Variants in CCDC88C observed in about 807,000 individuals in gnomAD.
The protein encoded by CCDC88C is coiled-coil and HOOK domain protein 88C.
CCDC88C carries 131 observed loss-of-function variants against 198.8 expected under a neutral mutation model. The observed-to-expected ratio is 0.66, with a 90% CI of 0.57 to 0.76. The LOEUF is 0.76. Among genes scored for constraint, CCDC88C ranks in the 30% least tolerant of loss-of-function variants. The pLI, the probability that CCDC88C is intolerant of heterozygous loss-of-function variation, is 0.00. For missense variants in CCDC88C, 2,553 were observed against 2,631.6 expected (o/e 0.97, Z 0.65); for synonymous variants, 1,166 against 1,114.7 (o/e 1.05, Z -0.92).
rs558877884 is a variant in CCDC88C, at chr14:91,280,872, C to T, written c.4699+585G>A. On this transcript the variant is annotated intron_variant, in intron 27 of 29. Coordinates refer to ENST00000389857, the MANE Select transcript of CCDC88C (RefSeq NM_001080414.4). ...AGGTGATGCCAGCTCCTACACTTAC[C>T]GAGCCTTTCACAAGTAAACTGAAAT... Among the ~76,000 whole-genome samples the T allele has an allele frequency of 1.0e-3, 154 of 152,108 alleles. 1 individual carries two copies. Among genetic ancestry groups the T allele is most frequent in the Admixed American group, 1.4e-3 (22 of 15,278 alleles).
At chr14:91,305,367 A>C (rs971934643) in intron 19 of CCDC88C, among the ~76,000 whole-genome samples, 1 of 152,190 alleles carries the variant, frequency 6.6e-6, no homozygotes, top group African/African-American at 2.4e-5. Context: ...AAAAATTCAC[A>C]TTAGCTTAAA....
chr14:91,345,109 A>G (rs1893477233), intron 4 of CCDC88C, among the ~76,000 whole-genome samples: 1 of 145,310 alleles, frequency 6.9e-6, no homozygotes, highest in Admixed American at 6.9e-5. Context: ...TTGCATACTT[A>G]CTTTGTAAAT....
At position 91,344,171 on chromosome 14, in the gene CCDC88C, C is replaced by T. The variant is rs118009237; in HGVS notation, c.341-514G>A. On this transcript the variant is annotated intron_variant, in intron 4 of 29. Coordinates refer to ENST00000389857, the MANE Select transcript of CCDC88C (RefSeq NM_001080414.4). ...AATTCTGTACATAACTATTTGAAGC[C>T]CCTTCCATTCAAATATGTCGTAAGT... Among the ~76,000 whole-genome samples the T allele has an allele frequency of 5.2e-4, 79 of 152,190 alleles. No homozygotes were observed. In the East Asian group the frequency reaches 0.014, roughly 27 times the overall value.
intron 12 of CCDC88C, among the ~76,000 whole-genome samples, chr14:91,322,249 C>G (rs754067260): frequency 6.6e-6 from 1 of 152,184 alleles, no homozygotes; most frequent in African/African-American, 2.4e-5. Context: ...ATGGCTTTCA[C>G]AGCAAACACA....
rs1465333419 is a variant in CCDC88C, at chr14:91,334,884, C to A, written c.1050+3121G>T. Among the ~76,000 whole-genome samples, 4 of 152,254 alleles carry A rather than the reference C, an allele frequency of 2.6e-5. No homozygotes were observed. The East Asian group carries it at 7.7e-4, about 29-fold the overall frequency. On this transcript the variant is annotated intron_variant, in intron 10 of 29. Coordinates refer to ENST00000389857, the MANE Select transcript of CCDC88C (RefSeq NM_001080414.4). The stretch of plus-strand genomic sequence containing the variant: ...CATCTCAAAGCAGCTCAGCTCCAGG[C>A]CTCTGAGCTGCATTCTAAGTTAAGT...
At chr14:91,340,995 TAA>T (rs1196909372) in intron 6 of CCDC88C, among the ~76,000 whole-genome samples, 2 of 151,188 alleles carry the variant, frequency 1.3e-5, no homozygotes, top group Non-Finnish European at 2.9e-5. Context: ...AGGCTGTCTC[TAA>T]AAAAAAGAGA....
At chr14:91,314,780 C>T (rs2139808785) in intron 14 of CCDC88C, among the ~76,000 whole-genome samples, 1 of 152,310 alleles carries the variant, frequency 6.6e-6, no homozygotes, top group Middle Eastern at 3.4e-3. Context: ...CGTCTGTTTA[C>T]CATGCACCAT....
intron 10 of CCDC88C, among the ~76,000 whole-genome samples, chr14:91,331,504 T>C (rs750780407): frequency 1.3e-5 from 2 of 151,804 alleles, no homozygotes; most frequent in East Asian, 1.9e-4. Context: ...CATGGTGGGG[T>C]GGAGAGTGTG....
intron 6 of CCDC88C, chr14:91,342,096 G>C (rs1017851046): frequency 9.6e-6 from 3 of 312,972 alleles, no homozygotes; most frequent in Non-Finnish European, 1.8e-5. Flanking sequence ...CTTAAAAATA[G>C]TCTGAGTCCA....
intron 3 of CCDC88C, among the ~76,000 whole-genome samples, chr14:91,386,488 G>A (rs1350432517): frequency 1.3e-5 from 2 of 152,004 alleles, no homozygotes; most frequent in African/African-American, 2.4e-5. Flanking sequence ...CAAATAAACA[G>A]TAGAGGAGAC....
rs960922746 is a variant in CCDC88C, at chr14:91,356,063, C to T, written c.340+3579G>A. On this transcript the variant is annotated intron_variant, in intron 4 of 29. Coordinates refer to ENST00000389857, the MANE Select transcript of CCDC88C (RefSeq NM_001080414.4). ...CAAAAAGCACACACATGCCCCACCC[C>T]GGGCAACCATACAAATTAAAAAAAC... Among the ~76,000 whole-genome samples the T allele has an allele frequency of 3.9e-5, 6 of 152,238 alleles. No homozygotes were observed. In the East Asian group the frequency reaches 5.8e-4, roughly 15 times the overall value.
At chr14:91,417,041 C>T (rs1887099371) in intron 1 of CCDC88C, 3 of 699,664 alleles carry the variant, frequency 4.3e-6, no homozygotes, top group African/African-American at 1.7e-5. Context: ...AGACACGAGA[C>T]AGGAGGAAAA....
At chr14:91,394,621 C>G (rs971260586) in intron 3 of CCDC88C, among the ~76,000 whole-genome samples, 1 of 152,190 alleles carries the variant, frequency 6.6e-6, no homozygotes, top group Admixed American at 6.5e-5. Context: ...TGCTGACTGA[C>G]GGCAGACACA....
chr14:91,302,204 G>C (rs756069857), intron 20 of CCDC88C, among the ~76,000 whole-genome samples: 20 of 152,162 alleles, frequency 1.3e-4, no homozygotes, highest in Admixed American at 5.2e-4. Context: ...GCTCCTGACC[G>C]TGGAGATGTC....
chr14:91,281,911 T>TA (rs1890213714), intron 26 of CCDC88C, among the ~76,000 whole-genome samples: 1 of 151,960 alleles, frequency 6.6e-6, no homozygotes, highest in Non-Finnish European at 1.5e-5. Flanking sequence ...CTTCAGGTGG[T>TA]AGGAGGAAGA....
At chr14:91,397,846 G>T (rs1885945874) in intron 3 of CCDC88C, among the ~76,000 whole-genome samples, 1 of 152,178 alleles carries the variant, frequency 6.6e-6, no homozygotes, top group East Asian at 1.9e-4. Context: ...GCCTTTACAG[G>T]ACAGCACGTC....
chr14:91,396,801 C>T (rs2139992376), intron 3 of CCDC88C, among the ~76,000 whole-genome samples: 1 of 152,238 alleles, frequency 6.6e-6, no homozygotes, highest in African/African-American at 2.4e-5. Context: ...TCGAGACCAG[C>T]CTGGGCAACA....
At chr14:91,350,632 C>T (rs573554109) in intron 4 of CCDC88C, among the ~76,000 whole-genome samples, 47 of 152,182 alleles carry the variant, frequency 3.1e-4, no homozygotes, top group Non-Finnish European at 5.4e-4. Flanking sequence ...AGTGATGTCT[C>T]TCCACAGACG....
intron 27 of CCDC88C, among the ~76,000 whole-genome samples, chr14:91,280,646 A>G (rs185045852): frequency 9.1e-4 from 139 of 152,280 alleles, no homozygotes; most frequent in African/African-American, 3.1e-3. Flanking sequence ...AAAAGTTCCT[A>G]TGGTTAGCTG....
Sources: allele counts gnomAD v4.1 joint callset (sites outside exome capture counted in the v4.1 genomes callset), GRCh38; gene constraint gnomAD v4.1.1; transcripts MANE v1.5; gene names NCBI Gene and HGNC (gene_info 2026-07-23, HGNC 2026-07-21).